MAST4: variants seen among roughly 807,000 people sequenced by gnomAD.
MAST4 encodes the protein microtubule-associated serine/threonine-protein kinase 4.
In MAST4, 89 loss-of-function variants were observed where a neutral mutation model predicts 162.7. The observed-to-expected ratio is 0.55, with a 90% CI of 0.46 to 0.65. MAST4 has a LOEUF of 0.65. MAST4 is among the 30% of genes least tolerant of loss of function. The pLI is 0.00. For synonymous variants in MAST4, 1,479 were observed against 1,361.1 expected, an observed-to-expected ratio of 1.09 and a Z score of -1.91; for missense variants, 3,153 against 3,374.0, an observed-to-expected ratio of 0.93 and a Z score of 1.62.
intron 4 of MAST4, among the ~76,000 whole-genome samples, chr5:67,003,527 T>C (rs1751528283): frequency 2.0e-5 from 3 of 152,218 alleles, no homozygotes; most frequent in Admixed American, 6.5e-5. Flanking sequence ...TTCCTGGTAT[T>C]TACTGCATGG....
At chr5:66,605,564 A>T (rs1251895684) in intron 1 of MAST4, among the ~76,000 whole-genome samples, 1 of 152,128 alleles carries the variant, frequency 6.6e-6, no homozygotes, top group Non-Finnish European at 1.5e-5. Context: ...ACATTGGTAA[A>T]TTTTAATTCA....
chr5:66,617,747 C>T (rs1008742537), intron 1 of MAST4, among the ~76,000 whole-genome samples: 1 of 152,176 alleles, frequency 6.6e-6, no homozygotes, highest in Non-Finnish European at 1.5e-5. Flanking sequence ...ATCCACCCCT[C>T]CGCATGGTAC....
In MAST4 at chr5:66,788,654, T is replaced by C; in HGVS notation, c.518-16T>C. 6.4e-7 allele frequency: 1 copy of C among 1,559,578 alleles called. No homozygotes were observed. Among genetic ancestry groups the C allele is most frequent in the Non-Finnish European group, 8.7e-7 (1 of 1,145,024 alleles). On this transcript the variant is annotated splice_polypyrimidine_tract_variant and intron_variant, in intron 2 of 28. Coordinates refer to ENST00000403625, the MANE Select transcript of MAST4 (RefSeq NM_001164664.2). ...GCTGCCTGTCACTTACATTTTCTTC[T>C]CTTTAACTCCAACAGGGAGGTACCT...
chr5:66,878,300 C>T (rs567743315), intron 3 of MAST4, among the ~76,000 whole-genome samples: 3 of 152,302 alleles, frequency 2.0e-5, no homozygotes, highest in South Asian at 2.1e-4. Context: ...GCTATGACAG[C>T]GTGTATCACA....
At chr5:66,864,055 T>C (rs776579594) in intron 3 of MAST4, among the ~76,000 whole-genome samples, 4 of 152,268 alleles carry the variant, frequency 2.6e-5, no homozygotes, top group Non-Finnish European at 5.9e-5. Context: ...TACACTTACT[T>C]CATTGATTGG....
chr5:67,061,959 C>G (rs1197429834), intron 5 of MAST4, among the ~76,000 whole-genome samples: 2 of 152,196 alleles, frequency 1.3e-5, no homozygotes, highest in East Asian at 3.8e-4. Flanking sequence ...ATACACACAC[C>G]TTTCTGCTCA....
chr5:67,006,585 C>A (rs944153091), intron 4 of MAST4, among the ~76,000 whole-genome samples: 4 of 152,196 alleles, frequency 2.6e-5, no homozygotes, highest in Non-Finnish European at 5.9e-5. Context: ...TCTACTCTTA[C>A]CTGGAACCAG....
At chr5:66,910,741 C>CTTTGTTTTTTTTTTTTTTTTTTTTT (rs1763690763) in intron 4 of MAST4, among the ~76,000 whole-genome samples, 5 of 20,090 alleles carry the variant, frequency 2.5e-4, no homozygotes, top group South Asian at 1.4e-3. Flanking sequence ...TTTTTTTTTT[C>CTTTGTTTTTTTTTTTTTTTTTTTTT]TTTTTTTTTT....
chr5:67,010,073 C>G (rs1172187946), intron 4 of MAST4, among the ~76,000 whole-genome samples: 5 of 152,084 alleles, frequency 3.3e-5, no homozygotes, highest in Admixed American at 6.5e-5. Flanking sequence ...TATACTTGCC[C>G]CTTTTTTCCC....
At chr5:66,953,036 A>G (rs1050493266) in intron 4 of MAST4, among the ~76,000 whole-genome samples, 2 of 152,226 alleles carry the variant, frequency 1.3e-5, no homozygotes, top group Non-Finnish European at 2.9e-5. Context: ...ATAAAAGTGT[A>G]TTAAATGAAC....
At chr5:66,786,849 A>G (rs1257298091) in intron 2 of MAST4, among the ~76,000 whole-genome samples, 2 of 152,238 alleles carry the variant, frequency 1.3e-5, no homozygotes, top group Admixed American at 6.5e-5. Flanking sequence ...TGAATTTTCA[A>G]TGATAGTGTT....
intron 4 of MAST4, chr5:66,902,578 A>G (rs1035437865): frequency 6.3e-6 from 2 of 317,224 alleles, no homozygotes; most frequent in African/African-American, 4.6e-5. Flanking sequence ...ATCCCCACTA[A>G]TTTATTATTT....
In MAST4 at chr5:67,133,552, A is replaced by AT; in HGVS notation, c.2136dup (p.Gly713TrpfsTer4). 6.2e-7 allele frequency: 1 copy of AT among 1,613,458 alleles called. No homozygotes were observed. Among genetic ancestry groups the AT allele is most frequent in the Non-Finnish European group, 8.5e-7 (1 of 1,179,458 alleles). Reference sequence around the variant, plus strand: ...TCCATGGGGCACATAAAGCTGACAGATTTTGGATTATCTAAGGTGGGACTA... The same window carrying AT: ...TCCATGGGGCACATAAAGCTGACAGATTTTTGGATTATCTAAGGTGGGACTA... On this transcript the variant is annotated frameshift_variant, in exon 17 of 29. Coordinates refer to ENST00000403625, the MANE Select transcript of MAST4 (RefSeq NM_001164664.2). LOFTEE classifies it high-confidence loss of function.
intron 4 of MAST4, among the ~76,000 whole-genome samples, chr5:67,002,903 A>G (rs1751451112): frequency 6.6e-6 from 1 of 150,676 alleles, no homozygotes; most frequent in Non-Finnish European, 1.5e-5. Flanking sequence ...TTTACCTCCC[A>G]AGGGACATTT....
chr5:66,684,045 A>G (rs1242706136), intron 1 of MAST4, among the ~76,000 whole-genome samples: 2 of 152,230 alleles, frequency 1.3e-5, no homozygotes, highest in Non-Finnish European at 2.9e-5. Context: ...GTTGGAGAAC[A>G]AGCTTTGAAA....
intron 23 of MAST4, among the ~76,000 whole-genome samples, chr5:67,148,540 G>T (rs192524291): frequency 1.4e-4 from 22 of 152,162 alleles, no homozygotes; most frequent in South Asian, 1.2e-3. Flanking sequence ...CTTACGCTCC[G>T]TTGTTGAGGG....
chr5:67,164,006 G>A lies in MAST4; in HGVS notation c.4827G>A (p.Lys1609=), dbSNP rs754879098. ...GCCTGCTGAAGGATGCTCTTCACAA[G>A]CAGGCCAGCGTGCGCGCCAGCGAGG... The part of the protein sequence containing the change: ...LGSLLKDALH[K]QASVRASEGA... The change falls in exon 29 of 29, where the codon AAG becomes AAA. Residue 1609 remains lysine (K), a synonymous_variant. Coordinates refer to ENST00000403625, the MANE Select transcript of MAST4 (RefSeq NM_001164664.2). This position sits in a 1 kb window ranked among gnomAD's most constrained non-coding sequence, Gnocchi z 5.3. The A allele has an allele frequency of 5.1e-5, 82 of 1,599,142 alleles. No homozygotes were observed. Among genetic ancestry groups the A allele is most frequent in the South Asian group, 4.1e-4 (37 of 89,224 alleles).
At chr5:67,060,349 C>G (rs1759405299) in intron 5 of MAST4, among the ~76,000 whole-genome samples, 1 of 152,024 alleles carries the variant, frequency 6.6e-6, no homozygotes, top group South Asian at 2.1e-4. Context: ...AGTTAATAGT[C>G]TGGCAATAAG....
intron 2 of MAST4, among the ~76,000 whole-genome samples, chr5:66,762,765 A>G (rs1265690826): frequency 6.6e-6 from 1 of 152,110 alleles, no homozygotes; most frequent in Non-Finnish European, 1.5e-5. Context: ...TCATTGTTTT[A>G]CTTTGTTTTA....
Sources: gnomAD v4.1 joint callset for allele counts (sites outside exome capture counted in the v4.1 genomes callset) on GRCh38, gnomAD v4.1.1 for gene constraint, Gnocchi (gnomAD v3.1) non-coding constraint, MANE v1.5 for transcripts, NCBI Gene and HGNC (gene_info 2026-07-23, HGNC 2026-07-21) for gene names.